PELP1: variants seen among roughly 807,000 people sequenced by gnomAD.
PELP1 encodes proline, glutamate and leucine rich protein 1.
Under a neutral mutation model 95.5 loss-of-function variants are expected in PELP1, and 32 were observed. The observed-to-expected ratio is 0.34, with a 90% CI of 0.25 to 0.45. The LOEUF is 0.45. Ranked by LOEUF, PELP1 falls within the 20% of genes least tolerant of loss-of-function variation. The pLI is 1.00. For missense variants in PELP1, 1,358 were observed against 1,444.8 expected, an observed-to-expected ratio of 0.94 and a Z score of 0.97; for synonymous variants, 668 against 600.1, an observed-to-expected ratio of 1.11 and a Z score of -1.65.
At chr17:4,693,862 C>T (rs1244960718) in intron 1 of PELP1, among the ~76,000 whole-genome samples, 2 of 152,116 alleles carry the variant, frequency 1.3e-5, no homozygotes, top group Admixed American at 1.3e-4. Flanking sequence ...AAAGGGAAAG[C>T]ACAGATAAGA....
chr17:4,672,515 T>C lies in PELP1; in HGVS notation c.2476A>G (p.Lys826Glu). ...PPTASPPVPA[K>E]EEPEELPAAP... The stretch of plus-strand genomic sequence containing the variant: ...GCAGGAAGTTCTTCAGGCTCCTCCT[T>C]CGCTGGCACAGGAGGGGAGGCTGTT... The change falls in exon 16 of 17, where the codon AAG becomes GAG. Residue 826 changes from lysine to glutamate, a missense_variant. Coordinates refer to ENST00000572293, the MANE Select transcript of PELP1 (RefSeq NM_014389.3). 6.7e-7 allele frequency: 1 copy of C among 1,498,464 alleles called. No homozygotes were observed. The highest frequency in any genetic ancestry group is 1.2e-5 in the South Asian group (1 of 84,466). The allele number at this position is 1,498,464 out of a possible 1,614,324, so 92.8% of individuals were successfully genotyped here. A position where few individuals can be genotyped will look rare whatever the true frequency, so the allele number is the denominator to read the frequency against.
intron 1 of PELP1, among the ~76,000 whole-genome samples, chr17:4,702,588 T>C (rs979160690): frequency 5.9e-5 from 9 of 152,176 alleles, no homozygotes; most frequent in African/African-American, 1.7e-4. Context: ...AGCAGAGATA[T>C]AGTTTTGTCA....
At position 4,688,248 on chromosome 17, in the gene PELP1, T is replaced by C. The variant is rs1912975245; in HGVS notation, c.420+2640A>G. On this transcript the variant is annotated intron_variant, in intron 3 of 16. Transcript: ENST00000572293. ...TACCTGGGAGGCTGAGGCAGAAGAATTGCTTGAACCCAGGAGGCGGAGGGT... is the reference window on the plus strand; with the variant it reads ...TACCTGGGAGGCTGAGGCAGAAGAACTGCTTGAACCCAGGAGGCGGAGGGT... Among the ~76,000 whole-genome samples, 2 of 151,786 alleles carry C rather than the reference T, an allele frequency of 1.3e-5. 1 individual carries two copies. Among genetic ancestry groups the C allele is most frequent in the East Asian group, 3.9e-4 (2 of 5,180 alleles).
At chr17:4,674,088 G>A (rs915073250) in intron 13 of PELP1, among the ~76,000 whole-genome samples, 11 of 152,206 alleles carry the variant, frequency 7.2e-5, no homozygotes, top group African/African-American at 2.7e-4. Flanking sequence ...GCCCTTGGAA[G>A]AATGTCAGCT....
At position 4,675,176 on chromosome 17, in the gene PELP1, G is replaced by C. The variant is rs542350284; in HGVS notation, c.1177C>G (p.Arg393Gly). ...AGGCGGCCGATCAGGATCCCAAAGC[G>C]CAAGAGCCGGCTTCCACACCTGGGG... is the stretch of plus-strand genomic sequence containing the variant. ...LILACGSRLL[R>G]FGILIGRLLP... The change falls in exon 11 of 17, where the codon CGC (arginine) becomes GGC (glycine). Residue 393 changes from arginine to glycine, a missense_variant. This residue lies in a region of PELP1 where 538 missense variants were observed against 628.1 expected (regional missense o/e 0.86). Transcript: ENST00000572293. This position sits in a 1 kb window ranked among gnomAD's most constrained non-coding sequence, Gnocchi z 4.3. 10 of 1,613,664 alleles carry C rather than the reference G, an allele frequency of 6.2e-6. No individual in the cohort carries two copies. In the Admixed American group the frequency reaches 6.7e-5, roughly 11 times the overall value.
chr17:4,692,825 C>A (rs1913159970), intron 1 of PELP1, among the ~76,000 whole-genome samples: 1 of 152,098 alleles, frequency 6.6e-6, no homozygotes, highest in South Asian at 2.1e-4. Flanking sequence ...GCCTGGCCAA[C>A]ATGGTGAAAC....
Position 4,673,196 on chromosome 17 carries a change from C to T in PELP1, c.1846-51G>A, listed in dbSNP as rs1438388727. 6.5e-7 allele frequency: 1 copy of T among 1,528,718 alleles called. No homozygotes were observed. Among genetic ancestry groups the T allele is most frequent in the Admixed American group, 2.1e-5 (1 of 46,790 alleles). The allele number at this position is 1,528,718 out of a possible 1,614,324, so 94.7% of individuals were successfully genotyped here. On this transcript the variant is annotated intron_variant, in intron 15 of 16. Coordinates refer to ENST00000572293, the MANE Select transcript of PELP1 (RefSeq NM_014389.3). This position sits in a 1 kb window ranked among gnomAD's most constrained non-coding sequence, Gnocchi z 5.7. ...TGAGCACCAGAAATACTGGGAGTCT[C>T]TTGGAAACAAGAGACTCCAGGAACC...
In PELP1 at chr17:4,672,609, C is replaced by T; in HGVS notation, c.2382G>A (p.Gly794=). 6.2e-7 allele frequency: 1 copy of T among 1,606,494 alleles called. No individual in the cohort carries two copies. The highest frequency in any genetic ancestry group is 1.3e-5 in the African/African-American group (1 of 74,866). ...GTGGTGGGGGTGGCAGGGGGGGAAG[C>T]CCCTCGGGCACGATCACCACGCTGT... ...SDDSVVIVPE[G]LPPLPPPPPS... is the part of the protein sequence containing the mutation. Residue 794 remains glycine, a synonymous_variant, in exon 16 of 17, where the codon GGG becomes GGA. Coordinates refer to ENST00000572293, the MANE Select transcript of PELP1 (RefSeq NM_014389.3).
Position 4,671,506 on chromosome 17 carries a change from A to C in PELP1, c.3326T>G (p.Leu1109Arg). The change falls in exon 17 of 17, where the codon CTG becomes CGG. Residue 1109 changes from leucine (L) to arginine (R), a missense_variant. Leu to Arg is a moderately radical substitution (Grantham distance 102). This residue lies in a region of PELP1 where 283 missense variants were observed against 284.1 expected (regional missense o/e 1.00). Transcript: ENST00000572293. ...EKEQDDTAAM[L>R]ADFIDCPPDD... ...AGGGGGACAATCGATGAAGTCGGCC[A>C]GCATGGCAGCTGTGTCATCCTGCTC... The C allele has an allele frequency of 6.2e-7, 1 of 1,613,844 alleles. No homozygotes were observed. The highest frequency in any genetic ancestry group is 1.7e-5 in the Admixed American group (1 of 60,026).
rs1912741862 is a variant in PELP1, at chr17:4,682,869, C to A, written c.504G>T (p.Leu168=). ...GGTGGTTCATGGAGATGTCCCGGAACAGTGCAGGCAGCTGGGCTGCATATC... is the reference window on the plus strand; with the variant it reads ...GGTGGTTCATGGAGATGTCCCGGAAAAGTGCAGGCAGCTGGGCTGCATATC... ...LLRYAAQLPA[L]FRDISMNHLP... Residue 168 remains leucine (L), a synonymous_variant, in exon 4 of 17, where the codon CTG becomes CTT. Coordinates refer to ENST00000572293, the MANE Select transcript of PELP1 (RefSeq NM_014389.3). 6.2e-7 allele frequency: 1 copy of A among 1,600,812 alleles called. No homozygotes were observed. The highest frequency in any genetic ancestry group is 8.5e-7 in the Non-Finnish European group (1 of 1,174,858).
chr17:4,672,642 GTCACTT>G lies in PELP1; in HGVS notation c.2343_2348del (p.Glu781_Ser782del). ...GCACGATCACCACGCTGTCATCAGA[GTCACTT>G]TCCAAGGAGATCTCCACATCAGATG... On this transcript the variant is annotated inframe_deletion, in exon 16 of 17. Coordinates refer to ENST00000572293, the MANE Select transcript of PELP1 (RefSeq NM_014389.3). The G allele has an allele frequency of 6.2e-7, 1 of 1,612,148 alleles. No individual in the cohort carries two copies. Among genetic ancestry groups the G allele is most frequent in the Non-Finnish European group, 8.5e-7 (1 of 1,179,154 alleles).
rs1188980118 is a variant in PELP1, at chr17:4,673,385, G to A, written c.1710C>T (p.Tyr570=). ...GTTCACGGCGGCAGCGGGAGCTCGT[G>A]TACGGGGAGCTGCCTAGGACCTCAC... is the stretch of plus-strand genomic sequence containing the variant. The part of the protein sequence containing the change: ...QQGEVLGSSP[Y]TSSRCRRELY... The change falls in exon 15 of 17, where the codon TAC becomes TAT. Residue 570 remains tyrosine, a synonymous_variant. Transcript: ENST00000572293. This position sits in a 1 kb window ranked among gnomAD's most constrained non-coding sequence, Gnocchi z 5.7. 8 of 1,597,650 alleles carry A rather than the reference G, an allele frequency of 5.0e-6. No homozygotes were observed. Among genetic ancestry groups the A allele is most frequent in the Non-Finnish European group, 6.8e-6 (8 of 1,172,660 alleles).
intron 1 of PELP1, among the ~76,000 whole-genome samples, chr17:4,702,906 T>C (rs1280161540): frequency 1.3e-5 from 2 of 151,976 alleles, no homozygotes; most frequent in Admixed American, 6.6e-5. Flanking sequence ...CCGGACAAGA[T>C]GGTGGGGGTT....
In PELP1 at chr17:4,675,812, G is replaced by T; in HGVS notation, c.1053C>A (p.Val351=). 6.3e-7 allele frequency: 1 copy of T among 1,580,464 alleles called. No individual in the cohort carries two copies. Among genetic ancestry groups the T allele is most frequent in the Non-Finnish European group, 8.6e-7 (1 of 1,162,844 alleles). The stretch of plus-strand genomic sequence containing the variant: ...TCCCACTTACAATATTCTTGCTACT[G>T]ACGCTGAGGGTCCGGCAGATGAAAT... ...ILDFICRTLS[V]SSKNISLHGD... Residue 351 remains valine, a synonymous_variant, in exon 9 of 17, where the codon GTC becomes GTA. Coordinates refer to ENST00000572293, the MANE Select transcript of PELP1 (RefSeq NM_014389.3). This position sits in a 1 kb window ranked among gnomAD's most constrained non-coding sequence, Gnocchi z 4.3.
At position 4,682,563 on chromosome 17, in the gene PELP1, G is replaced by A. The variant is rs1313600381; in HGVS notation, c.581C>T (p.Ser194Leu). 3.1e-6 allele frequency: 5 copies of A among 1,612,450 alleles called. No homozygotes were observed. The highest frequency in any genetic ancestry group is 1.3e-5 in the African/African-American group (1 of 75,012). Residue 194 changes from serine to leucine, a missense_variant, in exon 5 of 17, where the codon TCA becomes TTA. By Grantham distance (145) the Ser-to-Leu change is moderately radical (BLOSUM62 -2). Transcript: ENST00000572293. ...LLGLRPECEQ[S>L]ALEGMKACMT... ...ACAAGCCTTCATTCCTTCCAATGCT[G>A]ACTGCTCACACTGTAGGAAAAACAA...
intron 1 of PELP1, among the ~76,000 whole-genome samples, chr17:4,697,824 G>C (rs1243898013): frequency 6.6e-6 from 1 of 151,900 alleles, no homozygotes; most frequent in Non-Finnish European, 1.5e-5. Flanking sequence ...ATGTTAAAAT[G>C]AGTGGGTGAA....
At chr17:4,678,215 GA>G (rs962060049) in intron 5 of PELP1, among the ~76,000 whole-genome samples, 30 of 146,572 alleles carry the variant, frequency 2.0e-4, no homozygotes, top group African/African-American at 6.8e-4. Context: ...CTCTGTCTCA[GA>G]AAAAAAAAAG....
intron 5 of PELP1, among the ~76,000 whole-genome samples, chr17:4,677,403 GA>G (rs953899859): frequency 6.6e-6 from 1 of 152,006 alleles, no homozygotes; most frequent in African/African-American, 2.4e-5. Context: ...CATGGATGGG[GA>G]AAAAAATTAC....
intron 5 of PELP1, among the ~76,000 whole-genome samples, chr17:4,682,035 C>A (rs935836273): frequency 1.3e-5 from 2 of 151,932 alleles, no homozygotes; most frequent in African/African-American, 4.8e-5. Flanking sequence ...GTGGCACACG[C>A]CTTAGTCCCA....
Sources: gnomAD v4.1 joint callset for allele counts (sites outside exome capture counted in the v4.1 genomes callset) on GRCh38, gnomAD v4.1.1 for gene constraint, gnomAD v4.1.1 regional missense constraint, Gnocchi (gnomAD v3.1) non-coding constraint, MANE v1.5 for transcripts, NCBI Gene and HGNC (gene_info 2026-07-23, HGNC 2026-07-21) for gene names.